SPAG16: variants seen among roughly 807,000 people sequenced by gnomAD.
The protein encoded by SPAG16 is sperm-associated antigen 16 protein.
SPAG16 carries 86 observed loss-of-function variants against 80.4 expected under a neutral mutation model. The observed-to-expected ratio is 1.07, with a 90% confidence interval of 0.90 to 1.28. SPAG16 has a LOEUF of 1.28. SPAG16 is among the 50% of genes most tolerant of loss of function. The probability of loss-of-function intolerance (pLI) is 0.00; values close to 1 mark genes in which losing one functional copy is unlikely to be tolerated. For missense variants in SPAG16, 870 were observed against 765.3 expected (o/e 1.14, Z -1.61); for synonymous variants, 294 against 265.9 (o/e 1.11, Z -1.03).
intron 10 of SPAG16, among the ~76,000 whole-genome samples, chr2:213,492,594 T>G (rs2125739053): frequency 6.6e-6 from 1 of 150,610 alleles, no homozygotes; most frequent in Non-Finnish European, 1.5e-5. Flanking sequence ...TACCACCCCC[T>G]CTACAGACAT....
intron 15 of SPAG16, among the ~76,000 whole-genome samples, chr2:214,358,734 T>C (rs1229951293): frequency 6.6e-6 from 1 of 151,882 alleles, no homozygotes; most frequent in East Asian, 1.9e-4. Context: ...ACTCGAATAA[T>C]AATGGGAGTT....
chr2:213,518,185 C>T (rs545640343), intron 10 of SPAG16, among the ~76,000 whole-genome samples: 1 of 152,288 alleles, frequency 6.6e-6, no homozygotes, highest in East Asian at 1.9e-4. Flanking sequence ...GGCCAACAGA[C>T]ATATGAAAAC....
chr2:213,424,475 A>G (rs1320586421), intron 9 of SPAG16, among the ~76,000 whole-genome samples: 1 of 152,216 alleles, frequency 6.6e-6, no homozygotes. Context: ...ATATATTATT[A>G]AAACACTCTC....
At chr2:213,487,545 G>C (rs967952542) in intron 9 of SPAG16, among the ~76,000 whole-genome samples, 1 of 152,056 alleles carries the variant, frequency 6.6e-6, no homozygotes, top group Non-Finnish European at 1.5e-5. Context: ...ACCTCTGCAA[G>C]TGAATCTATG....
intron 10 of SPAG16, among the ~76,000 whole-genome samples, chr2:213,857,672 C>A (rs1367261714): frequency 6.6e-6 from 1 of 152,212 alleles, no homozygotes; most frequent in Non-Finnish European, 1.5e-5. Flanking sequence ...GCTGACAGAA[C>A]ATCAATTCTG....
intron 13 of SPAG16, among the ~76,000 whole-genome samples, chr2:214,044,042 T>C (rs572042515): frequency 3.3e-5 from 5 of 152,092 alleles, no homozygotes. Context: ...GAATTATATA[T>C]TATTGTCTTA....
At chr2:213,462,205 G>T (rs1216214967) in intron 9 of SPAG16, among the ~76,000 whole-genome samples, 1 of 152,106 alleles carries the variant, frequency 6.6e-6, no homozygotes, top group Non-Finnish European at 1.5e-5. Context: ...TTGACTTTTG[G>T]AGTGAAAATA....
chr2:214,134,272 T>C (rs1346682023), intron 14 of SPAG16, among the ~76,000 whole-genome samples: 1 of 152,188 alleles, frequency 6.6e-6, no homozygotes, highest in Non-Finnish European at 1.5e-5. Context: ...TTGATCTTGC[T>C]CTTCCCTCTT....
intron 12 of SPAG16, among the ~76,000 whole-genome samples, chr2:213,995,279 A>T (rs2046463296): frequency 6.6e-6 from 1 of 152,118 alleles, no homozygotes; most frequent in African/African-American, 2.4e-5. Flanking sequence ...ATGGAGGAGG[A>T]GCCCAGGGGA....
intron 9 of SPAG16, among the ~76,000 whole-genome samples, chr2:213,380,074 A>G (rs1222870905): frequency 6.6e-6 from 1 of 152,126 alleles, no homozygotes; most frequent in Non-Finnish European, 1.5e-5. Flanking sequence ...TTTCCTTGTC[A>G]CCAATTTTCC....
chr2:213,484,372 C>T (rs1452413639), intron 9 of SPAG16, among the ~76,000 whole-genome samples: 3 of 152,242 alleles, frequency 2.0e-5, no homozygotes, highest in South Asian at 4.1e-4. Context: ...CTGACCCATT[C>T]GTATTTTCAT....
intron 13 of SPAG16, among the ~76,000 whole-genome samples, chr2:214,080,583 G>A (rs773075247): frequency 2.0e-5 from 3 of 148,996 alleles, no homozygotes; most frequent in Non-Finnish European, 4.5e-5. Context: ...ACTCCAGCCT[G>A]GGCGACAGAG....
chr2:213,362,342 G>A (rs2066028969), intron 7 of SPAG16, among the ~76,000 whole-genome samples: 1 of 152,174 alleles, frequency 6.6e-6, no homozygotes, highest in African/African-American at 2.4e-5. Context: ...CCATACAGAA[G>A]AATCTCGAGT....
chr2:213,825,377 T>C lies in SPAG16; in HGVS notation c.1071-37108T>C, dbSNP rs189451854. On this transcript the variant is annotated intron_variant, in intron 10 of 15. Transcript: ENST00000331683. ...GCTGTGAGTCTGTTGTATATGGCTT[T>C]AATATGTTGAGGTATGTTCCTTCTA... Among the ~76,000 whole-genome samples the C allele has an allele frequency of 3.7e-4, 56 of 152,280 alleles. 2 individuals are homozygous for C. The highest frequency in any genetic ancestry group is 8.5e-4 in the Admixed American group (13 of 15,284).
Position 213,941,666 on chromosome 2 carries a change from CA to C in SPAG16, c.1400+11522del, listed in dbSNP as rs1252875179. On this transcript the variant is annotated intron_variant, in intron 12 of 15. Coordinates refer to ENST00000331683, the MANE Select transcript of SPAG16 (RefSeq NM_024532.5). ...TCCTACTCTTCACTTACTTCTAGACCACTTTACTTCCTCTCTCCTCCCACAA... is the reference window on the plus strand; with the variant it reads ...TCCTACTCTTCACTTACTTCTAGACCCTTTACTTCCTCTCTCCTCCCACAA... 2.0e-5 allele frequency among the ~76,000 whole-genome samples: 3 copies of C among 152,188 alleles called. No homozygotes were observed. In the East Asian group the frequency reaches 5.8e-4, roughly 29 times the overall value.
intron 10 of SPAG16, among the ~76,000 whole-genome samples, chr2:213,736,210 A>G (rs1285815335): frequency 6.6e-6 from 1 of 152,198 alleles, no homozygotes; most frequent in Non-Finnish European, 1.5e-5. Context: ...TAATTATATC[A>G]TTTTATAAAA....
At chr2:213,921,230 C>T (rs1439286459) in intron 11 of SPAG16, among the ~76,000 whole-genome samples, 3 of 152,316 alleles carry the variant, frequency 2.0e-5, no homozygotes, top group Admixed American at 2.0e-4. Context: ...TTAATCAGGT[C>T]TTCTTGTTGA....
intron 10 of SPAG16, among the ~76,000 whole-genome samples, chr2:213,790,881 T>G (rs1350412722): frequency 6.6e-6 from 1 of 152,132 alleles, no homozygotes; most frequent in African/African-American, 2.4e-5. Context: ...TGTTCTGACC[T>G]TTGTTGTCTC....
chr2:213,804,574 C>T (rs1449482170), intron 10 of SPAG16, among the ~76,000 whole-genome samples: 7 of 151,930 alleles, frequency 4.6e-5, no homozygotes, highest in Non-Finnish European at 8.8e-5. Context: ...TCCCAGCTAC[C>T]CGGGAGGCTG....
Sources: gnomAD v4.1 joint callset for allele counts (sites outside exome capture counted in the v4.1 genomes callset) on GRCh38, gnomAD v4.1.1 for gene constraint, MANE v1.5 for transcripts, NCBI Gene and HGNC (gene_info 2026-07-23, HGNC 2026-07-21) for gene names.